The following MAD1L1 variants were observed in gnomAD, a reference collection of about 807,000 sequenced individuals.
MAD1L1 encodes the protein mitotic arrest deficient 1 like 1.
In MAD1L1, 95 loss-of-function variants were observed where a neutral mutation model predicts 96.9. The ratio of observed to expected loss-of-function variants is 0.98; its 90% CI spans 0.83 to 1.16. The LOEUF (loss-of-function observed/expected upper bound fraction) is 1.16. Ranked by LOEUF, MAD1L1 falls within the 50% of genes most tolerant of loss-of-function variation. The probability of loss-of-function intolerance (pLI) is 0.00; values close to 1 mark genes in which losing one functional copy is unlikely to be tolerated. For missense variants in MAD1L1, 1,007 were observed against 954.4 expected, an observed-to-expected ratio of 1.06 and a Z score of -0.73; for synonymous variants, 473 against 396.6, an observed-to-expected ratio of 1.19 and a Z score of -2.29.
At chr7:2,205,995 G>A (rs1343503756) in intron 10 of MAD1L1, among the ~76,000 whole-genome samples, 1 of 152,134 alleles carries the variant, frequency 6.6e-6, no homozygotes, top group Non-Finnish European at 1.5e-5. Flanking sequence ...AGCCGGGTGT[G>A]GTGGTGCACG....
At chr7:2,189,055 C>G (rs1476958736) in intron 10 of MAD1L1, among the ~76,000 whole-genome samples, 1 of 152,118 alleles carries the variant, frequency 6.6e-6, no homozygotes, top group African/African-American at 2.4e-5. Flanking sequence ...ACACAACTGG[C>G]CAAGGAGCAC....
chr7:2,158,096 G>T (rs899030176), intron 10 of MAD1L1, among the ~76,000 whole-genome samples: 1 of 152,234 alleles, frequency 6.6e-6, no homozygotes, highest in African/African-American at 2.4e-5. Context: ...CTTCAGCTGC[G>T]AAGCCTTTTA....
chr7:2,231,967 AGGGTGGT>A (rs1395202158), intron 1 of MAD1L1, among the ~76,000 whole-genome samples: 1 of 152,206 alleles, frequency 6.6e-6, no homozygotes, highest in Non-Finnish European at 1.5e-5. Context: ...CAGTCTCAAC[AGGGTGGT>A]GAATTAGGTC....
intron 17 of MAD1L1, among the ~76,000 whole-genome samples, chr7:1,912,154 C>G (rs968988003): frequency 6.6e-6 from 1 of 152,170 alleles, no homozygotes; most frequent in Non-Finnish European, 1.5e-5. Flanking sequence ...GTCCAGATGG[C>G]GGCAGGGGCC....
intron 13 of MAD1L1, among the ~76,000 whole-genome samples, chr7:2,010,072 T>G (rs921599663): frequency 7.2e-4 from 4 of 5,560 alleles, no homozygotes; most frequent in Non-Finnish European, 1.8e-3. Context: ...TTTAACAGGT[T>G]TTTTTTTTTT....
At chr7:2,065,161 TC>T (rs1190922167) in intron 12 of MAD1L1, among the ~76,000 whole-genome samples, 1 of 152,218 alleles carries the variant, frequency 6.6e-6, no homozygotes, top group Non-Finnish European at 1.5e-5. Context: ...CCCTTGTACT[TC>T]CTGCATTCTG....
At chr7:1,842,530 C>G (rs1562446267) in intron 18 of MAD1L1, among the ~76,000 whole-genome samples, 1 of 152,388 alleles carries the variant, frequency 6.6e-6, no homozygotes, top group East Asian at 1.9e-4. Flanking sequence ...GCCACAATGC[C>G]GCGTGCTCAC....
intron 18 of MAD1L1, among the ~76,000 whole-genome samples, chr7:1,888,576 G>A (rs930683424): frequency 7.2e-5 from 11 of 151,792 alleles, no homozygotes; most frequent in Non-Finnish European, 1.5e-4. Context: ...GGCTGTACAT[G>A]TGAGCATGCA....
At chr7:1,859,175 C>T (rs548142480) in intron 18 of MAD1L1, among the ~76,000 whole-genome samples, 1 of 152,300 alleles carries the variant, frequency 6.6e-6, no homozygotes, top group East Asian at 1.9e-4. Flanking sequence ...GAGATGGCGC[C>T]GGGCTTCCCC....
rs1455809156 is a variant in MAD1L1 at position 2,014,538 on chromosome 7, C to T, written c.1323G>A (p.Met441Ile). Residue 441 changes from methionine (M) to isoleucine (I), a missense_variant, in exon 13 of 19, where the codon ATG becomes ATA. Met to Ile is a conservative substitution (Grantham distance 10). Coordinates refer to ENST00000265854, the MANE Select transcript of MAD1L1 (RefSeq NM_001013836.2). ...CGCTGTGGCTGTGCACCTTCTGCAC[C>T]ATATCCTCAGCCTCCCGCATGCGCC... ...LTRRMREAED[M>I]VQKVHSHSAE... The T allele has an allele frequency of 1.2e-6, 2 of 1,609,138 alleles. No individual in the cohort carries two copies. Among genetic ancestry groups the T allele is most frequent in the African/African-American group, 1.3e-5 (1 of 75,034 alleles).
At chr7:2,201,380 T>C (rs1466293814) in intron 10 of MAD1L1, among the ~76,000 whole-genome samples, 5 of 152,074 alleles carry the variant, frequency 3.3e-5, no homozygotes, top group Non-Finnish European at 7.4e-5. Flanking sequence ...CCCCCTGCTC[T>C]ACCTGTAAAA....
intron 10 of MAD1L1, among the ~76,000 whole-genome samples, chr7:2,203,136 T>C (rs748610814): frequency 5.3e-5 from 8 of 152,144 alleles, no homozygotes; most frequent in Non-Finnish European, 1.0e-4. Flanking sequence ...CAAGGCCAGA[T>C]TCAGGCACAA....
intron 14 of MAD1L1, among the ~76,000 whole-genome samples, chr7:1,989,994 G>C (rs60432611): frequency 0.32 from 49,364 of 152,182 alleles, 8,900 homozygotes; most frequent in East Asian, 0.57. Context: ...TGCTCCCAGG[G>C]GCCTTCCCTA....
At chr7:2,143,288 C>T (rs1235893369) in intron 11 of MAD1L1, among the ~76,000 whole-genome samples, 1 of 150,754 alleles carries the variant, frequency 6.6e-6, no homozygotes, top group Non-Finnish European at 1.5e-5. Context: ...AGCGGGAGGC[C>T]CCTCAAGTGC....
At chr7:2,207,632 G>A (rs1792667725) in intron 10 of MAD1L1, among the ~76,000 whole-genome samples, 1 of 152,148 alleles carries the variant, frequency 6.6e-6, no homozygotes, top group Non-Finnish European at 1.5e-5. Context: ...CTGCCAACCT[G>A]TTCACCTGTA....
chr7:1,847,236 T>A (rs6978048), intron 18 of MAD1L1: 1 of 470,152 alleles, frequency 2.1e-6, no homozygotes, highest in African/African-American at 2.0e-5. Context: ...ACGCTTGTCC[T>A]TTTCTGTTTA....
chr7:1,835,605 CTA>C, intron 18 of MAD1L1, among the ~76,000 whole-genome samples: 1 of 151,948 alleles, frequency 6.6e-6, no homozygotes, highest in South Asian at 2.1e-4. Context: ...TGTGAAATAC[CTA>C]TGTTATCAGG....
intron 10 of MAD1L1, among the ~76,000 whole-genome samples, chr7:2,169,691 G>T (rs1282932563): frequency 1.3e-5 from 2 of 152,210 alleles, no homozygotes; most frequent in South Asian, 4.1e-4. Context: ...AAGACCCACA[G>T]GGGGCACATG....
intron 11 of MAD1L1, among the ~76,000 whole-genome samples, chr7:2,124,115 G>A (rs902576329): frequency 2.6e-5 from 4 of 152,206 alleles, no homozygotes; most frequent in Non-Finnish European, 4.4e-5. Context: ...AGATGCAGCC[G>A]GGAGCCCCCA....
Sources: gnomAD v4.1 joint callset for allele counts (sites outside exome capture counted in the v4.1 genomes callset) on GRCh38, gnomAD v4.1.1 for gene constraint, MANE v1.5 for transcripts, NCBI Gene and HGNC (gene_info 2026-07-23, HGNC 2026-07-21) for gene names.